FAM149B1: variants seen among roughly 807,000 people sequenced by gnomAD.
The protein encoded by FAM149B1 is family with sequence similarity 149 member B1.
A neutral mutation model predicts 75.3 loss-of-function variants in FAM149B1; 56 were observed. That is an observed-to-expected ratio of 0.74 (90% CI 0.60 to 0.93). The LOEUF (loss-of-function observed/expected upper bound fraction) is 0.93. FAM149B1 is among the 40% of genes least tolerant of loss of function. FAM149B1 has a pLI of 0.00. For missense variants in FAM149B1, 639 were observed against 708.4 expected (o/e 0.90, Z 1.11); for synonymous variants, 259 against 256.1 (o/e 1.01, Z -0.11).
At chr10:73,169,439 C>T (rs1333579187) in intron 1 of FAM149B1, among the ~76,000 whole-genome samples, 1 of 151,354 alleles carries the variant, frequency 6.6e-6, no homozygotes, top group African/African-American at 2.4e-5. Flanking sequence ...TAATGCTTTA[C>T]ACTTCCAAAA....
chr10:73,179,782 T>C (rs2042352944), intron 3 of FAM149B1, among the ~76,000 whole-genome samples: 1 of 152,186 alleles, frequency 6.6e-6, no homozygotes, highest in African/African-American at 2.4e-5. Flanking sequence ...TTATATATAG[T>C]TGTATGATAC....
chr10:73,237,846 C>A (rs1399041050), intron 12 of FAM149B1, among the ~76,000 whole-genome samples: 1 of 152,144 alleles, frequency 6.6e-6, no homozygotes, highest in South Asian at 2.1e-4. Flanking sequence ...ACCGCAGCCT[C>A]CCAAGTAGCT....
intron 8 of FAM149B1, 99 bp downstream of exon 8, chr10:73,228,283 T>C (rs2043602626): frequency 4.2e-6 from 4 of 941,912 alleles, no homozygotes; most frequent in Non-Finnish European, 6.6e-6. Flanking sequence ...TCTGACTCAA[T>C]ATGTTTTAGT....
At position 73,168,367 on chromosome 10, in the gene FAM149B1, G is replaced by C; in HGVS notation, c.28G>C (p.Val10Leu). 6.5e-7 allele frequency: 1 copy of C among 1,550,084 alleles called. No homozygotes were observed. Among genetic ancestry groups the C allele is most frequent in the Non-Finnish European group, 8.7e-7 (1 of 1,146,848 alleles). The change falls in exon 1 of 14, where the codon GTG becomes CTG. Residue 10 changes from valine (V) to leucine (L), a missense_variant. Physicochemically the swap from Val to Leu is conservative, Grantham distance 32 (BLOSUM62 1). Transcript: ENST00000242505. MISRYTRKA[V>L]PQSLELKGIT... Reference sequence around the variant, plus strand: ...GATCTCCAGATACACTCGGAAGGCGGTGCCACAGAGCTTGGAGCTGTGAGT... The same window carrying C: ...GATCTCCAGATACACTCGGAAGGCGCTGCCACAGAGCTTGGAGCTGTGAGT...
At chr10:73,234,995 G>A (rs2043790721) in intron 11 of FAM149B1, 55 bp downstream of exon 11, 17 of 1,535,328 alleles carry the variant, frequency 1.1e-5, no homozygotes, top group Non-Finnish European at 1.5e-5. Flanking sequence ...CTAATGGGCA[G>A]TAATTCTGCA....
intron 9 of FAM149B1, 113 bp from the exon 10 acceptor site, chr10:73,232,826 G>T: frequency 3.1e-6 from 2 of 645,990 alleles, no homozygotes; most frequent in Non-Finnish European, 5.4e-6. Flanking sequence ...TTTTATTTTT[G>T]CTTTATTTCC....
intron 2 of FAM149B1, among the ~76,000 whole-genome samples, chr10:73,175,205 A>G (rs757171063): frequency 1.3e-5 from 2 of 152,240 alleles, no homozygotes; most frequent in African/African-American, 4.8e-5. Context: ...ACAAAAAAAT[A>G]AATAAATAAA....
intron 1 of FAM149B1, among the ~76,000 whole-genome samples, chr10:73,170,038 CTA>C (rs1843643617): frequency 6.8e-6 from 1 of 146,518 alleles, no homozygotes. Context: ...TAATTATTAA[CTA>C]TTTAATTTAT....
At position 73,174,727 on chromosome 10, in the gene FAM149B1, C is replaced by T. The variant is rs1843870731; in HGVS notation, c.88C>T (p.Pro30Ser). 5.2e-6 allele frequency: 8 copies of T among 1,551,450 alleles called. No individual in the cohort carries two copies. The highest frequency in any genetic ancestry group is 7.0e-6 in the Non-Finnish European group (8 of 1,146,838). Residue 30 changes from proline to serine, a missense_variant, in exon 2 of 14, where the codon CCA becomes TCA. By Grantham distance (74) the Pro-to-Ser change is moderately conservative. Coordinates refer to ENST00000242505, the MANE Select transcript of FAM149B1 (RefSeq NM_173348.2). ...ACATGCTCTTAACCATCATCCCCCT[C>T]CAGAGAAGCTGGAGGAAATTTCCCC... ...TKHALNHHPP[P>S]EKLEEISPTS...
intron 3 of FAM149B1, among the ~76,000 whole-genome samples, chr10:73,191,993 C>T (rs1188886393): frequency 1.3e-5 from 2 of 151,896 alleles, no homozygotes; most frequent in Non-Finnish European, 1.5e-5. Flanking sequence ...CTGTGCCTCC[C>T]AGGTCAAGCA....
In FAM149B1 at chr10:73,228,167, T is replaced by A; in HGVS notation, c.1006T>A (p.Tyr336Asn). The change falls in exon 8 of 14, where the codon TAC becomes AAC. Residue 336 changes from tyrosine to asparagine, a missense_variant. Coordinates refer to ENST00000242505, the MANE Select transcript of FAM149B1 (RefSeq NM_173348.2). ...LPRVPQSKVL[Y>N]ITSNPMSLCQ... ...GCGAGTGCCACAGTCTAAGGTGCTG[T>A]ACATTACCTCAAATCCGGTAAGCCC... 6.4e-7 allele frequency: 1 copy of A among 1,551,614 alleles called. No homozygotes were observed. The highest frequency in any genetic ancestry group is 8.7e-7 in the Non-Finnish European group (1 of 1,146,948).
intron 8 of FAM149B1, 74 bp downstream of exon 8, chr10:73,228,258 CT>C: frequency 7.7e-7 from 1 of 1,290,392 alleles, no homozygotes; most frequent in Non-Finnish European, 1.1e-6. Flanking sequence ...AGTTGTTTGC[CT>C]TACTTGTATG....
intron 3 of FAM149B1, among the ~76,000 whole-genome samples, chr10:73,190,336 A>G (rs1351736057): frequency 6.6e-6 from 1 of 151,792 alleles, no homozygotes; most frequent in Non-Finnish European, 1.5e-5. Context: ...TATATTGTCC[A>G]GGTTGGAACA....
intron 12 of FAM149B1, among the ~76,000 whole-genome samples, chr10:73,237,673 T>C (rs1463348464): frequency 6.6e-6 from 1 of 152,062 alleles, no homozygotes; most frequent in Non-Finnish European, 1.5e-5. Context: ...CCACCTACCT[T>C]GGCCTCCCAA....
At chr10:73,185,962 A>G (rs1215570769) in intron 3 of FAM149B1, among the ~76,000 whole-genome samples, 1 of 152,190 alleles carries the variant, frequency 6.6e-6, no homozygotes, top group Non-Finnish European at 1.5e-5. Flanking sequence ...TGAAGCCAGT[A>G]TGACCTTGAT....
In FAM149B1 at chr10:73,193,535, C is replaced by G. The variant is rs2042727628; in HGVS notation, c.484C>G (p.Pro162Ala). 4.5e-6 allele frequency: 7 copies of G among 1,550,632 alleles called. No homozygotes were observed. The East Asian group carries it at 1.7e-4, about 38-fold the overall frequency. ...SEGYRLYPRS[P>A]SAVSASYETT... ...AGGTTATAGATTGTATCCTAGATCC[C>G]CTTCTGCTGTTTCCGCTTCATATGA... Residue 162 changes from proline to alanine, a missense_variant, in exon 5 of 14, where the codon CCT (proline) becomes GCT (alanine). By Grantham distance (27) the Pro-to-Ala change is conservative. Transcript: ENST00000242505.
intron 7 of FAM149B1, among the ~76,000 whole-genome samples, chr10:73,211,982 T>C (rs1380371388): frequency 6.6e-6 from 1 of 152,210 alleles, no homozygotes; most frequent in Non-Finnish European, 1.5e-5. Context: ...CAGTGTTTCT[T>C]ATTACACTCT....
chr10:73,232,622 A>C (rs1000124413), intron 9 of FAM149B1, among the ~76,000 whole-genome samples: 1 of 152,224 alleles, frequency 6.6e-6, no homozygotes, highest in African/African-American at 2.4e-5. Flanking sequence ...ACTTTGGAGT[A>C]GGTGTCCTTC....
At chr10:73,200,331 C>A in intron 5 of FAM149B1, 1 of 454,388 alleles carries the variant, frequency 2.2e-6, no homozygotes, top group Non-Finnish European at 4.3e-6. Flanking sequence ...AGCGAAACTA[C>A]ATCGCAAAAA....
Sources: allele counts gnomAD v4.1 joint callset (sites outside exome capture counted in the v4.1 genomes callset), GRCh38; gene constraint gnomAD v4.1.1; transcripts MANE v1.5; gene names NCBI Gene and HGNC (gene_info 2026-07-23, HGNC 2026-07-21).